The following ALB variants were observed in gnomAD, a reference collection of about 807,000 sequenced individuals.
The protein encoded by ALB is albumin.
ALB carries 37 observed loss-of-function variants against 74.5 expected under a neutral mutation model. The observed-to-expected ratio is 0.50, with a 90% CI of 0.38 to 0.65. The LOEUF is 0.65. ALB is among the 30% of genes least tolerant of loss of function. ALB has a pLI of 0.00. For missense variants in ALB, 685 were observed against 718.7 expected (o/e 0.95, Z 0.54); for synonymous variants, 249 against 251.6 (o/e 0.99, Z 0.10).
In ALB at chr4:73,421,247, A is replaced by G. The variant is rs1719134299; in HGVS notation, c.*179A>G. On this transcript the variant is annotated 3_prime_UTR_variant, in exon 15 of 15. Transcript: ENST00000295897. ...TGTGCTTCAATTAATAAAAAATGGAAAGAATCTAATAGAGTGGTACAGCAC... is the reference window on the plus strand; with the variant it reads ...TGTGCTTCAATTAATAAAAAATGGAGAGAATCTAATAGAGTGGTACAGCAC... The G allele has an allele frequency of 1.7e-6, 1 of 595,764 alleles. No individual in the cohort carries two copies. Among genetic ancestry groups the G allele is most frequent in the African/African-American group, 1.9e-5 (1 of 53,464 alleles). The allele number at this position is 595,764 out of a possible 1,614,324, so 36.9% of individuals were successfully genotyped here.
In ALB at chr4:73,421,218, T is replaced by C. The variant is rs1719132650; in HGVS notation, c.*150T>C. 4.8e-6 allele frequency: 3 copies of C among 624,728 alleles called. No homozygotes were observed. 38.7% of individuals were successfully genotyped at this position (624,728 alleles called of 1,614,324 possible). A position where few individuals can be genotyped will look rare whatever the true frequency, so the allele number is the denominator to read the frequency against. ...ATTTCTTTAATCATTTTGCCTCTTT[T>C]CTCTGTGCTTCAATTAATAAAAAAT... On this transcript the variant is annotated 3_prime_UTR_variant, in exon 15 of 15. Coordinates refer to ENST00000295897, the MANE Select transcript of ALB (RefSeq NM_000477.7).
chr4:73,419,943 T>G lies in ALB; in HGVS notation c.1785+304T>G, dbSNP rs562680489. Among the ~76,000 whole-genome samples the G allele has an allele frequency of 2.6e-5, 4 of 152,324 alleles. No individual in the cohort carries two copies. In the South Asian group the frequency reaches 8.3e-4, roughly 32 times the overall value. On this transcript the variant is annotated intron_variant, in intron 13 of 14. Transcript: ENST00000295897. ...TGATCATGAAATCAAAACATTAATT[T>G]ATTTAAACATTTACTTGAAATGTGG...
chr4:73,419,460 G>T (rs1416062355), intron 12 of ALB, 47 bp from the exon 13 acceptor site: 2 of 1,580,820 alleles, frequency 1.3e-6, no homozygotes, highest in East Asian at 4.5e-5. Flanking sequence ...CTATACGTGA[G>T]TAATGTTTTT....
rs769660057 is a variant in ALB at position 73,416,222 on chromosome 4, A to G, written c.1192-34A>G. The G allele has an allele frequency of 1.2e-5, 19 of 1,568,320 alleles. No individual in the cohort carries two copies. In the East Asian group the frequency reaches 4.3e-4, roughly 35 times the overall value. ...AACAACCTGCATCTGATCCTGAGGCATAATACTATTAACACAATTCTTTTA... is the reference window on the plus strand; with the variant it reads ...AACAACCTGCATCTGATCCTGAGGCGTAATACTATTAACACAATTCTTTTA... On this transcript the variant is annotated intron_variant, in intron 9 of 14. Transcript: ENST00000295897.
At chr4:73,414,010 C>A (rs1718948617) in intron 8 of ALB, among the ~76,000 whole-genome samples, 1 of 152,078 alleles carries the variant, frequency 6.6e-6, no homozygotes, top group African/African-American at 2.4e-5. Context: ...CTAATCTAAT[C>A]TAGTCTATCT....
At chr4:73,417,968 C>G (rs1361588622) in intron 11 of ALB, 120 bp from the exon 12 acceptor site, 2 of 955,422 alleles carry the variant, frequency 2.1e-6, no homozygotes, top group African/African-American at 1.6e-5. Context: ...CCTGCCTCAG[C>G]CTCCCAAGTA....
chr4:73,418,891 A>G (rs768935241), intron 12 of ALB, among the ~76,000 whole-genome samples: 8 of 152,150 alleles, frequency 5.3e-5, no homozygotes, highest in Non-Finnish European at 1.0e-4. Flanking sequence ...TAATATTGCA[A>G]AACCTGTCAT....
At position 73,416,322 on chromosome 4, in the gene ALB, G is replaced by T; in HGVS notation, c.1258G>T (p.Glu420Ter). The part of the protein sequence containing the change: ...NLIKQNCELF[E>*]QLGEYKFQNA... Reference sequence around the variant, plus strand: ...AATCAAACAAAATTGTGAGCTTTTTGAGCAGCTTGGAGAGTACAAATTCCA... The same window carrying T: ...AATCAAACAAAATTGTGAGCTTTTTTAGCAGCTTGGAGAGTACAAATTCCA... Residue 420 changes from glutamate to a stop codon, truncating the protein, a stop_gained, in exon 10 of 15, where the codon GAG (glutamate) becomes TAG (stop). Coordinates refer to ENST00000295897, the MANE Select transcript of ALB (RefSeq NM_000477.7). LOFTEE classifies it high-confidence loss of function. 6.2e-7 allele frequency: 1 copy of T among 1,613,586 alleles called. No individual in the cohort carries two copies. The highest frequency in any genetic ancestry group is 1.1e-5 in the South Asian group (1 of 91,052).
Position 73,413,695 on chromosome 4 carries a change from A to T in ALB, c.1058+61A>T. 3 of 1,517,462 alleles carry T rather than the reference A, an allele frequency of 2.0e-6. No homozygotes were observed. In the Admixed American group the frequency reaches 5.0e-5, roughly 25 times the overall value. 94.0% of individuals were successfully genotyped at this position (1,517,462 alleles called of 1,614,324 possible). ...GCATGACCTCACAACTTAGGAGGATAGCCTAGGCTTTTCTGTGGAGTTGCT... is the reference window on the plus strand; with the variant it reads ...GCATGACCTCACAACTTAGGAGGATTGCCTAGGCTTTTCTGTGGAGTTGCT... On this transcript the variant is annotated intron_variant, in intron 8 of 14. Coordinates refer to ENST00000295897, the MANE Select transcript of ALB (RefSeq NM_000477.7).
At position 73,417,570 on chromosome 4, in the gene ALB, A is replaced by C; in HGVS notation, c.1329A>C (p.Ser443=). 6.2e-7 allele frequency: 1 copy of C among 1,614,032 alleles called. No homozygotes were observed. ...VRYTKKVPQV[S]TPTLVEVSRN... ...ACACCAAGAAAGTACCCCAAGTGTC[A>C]ACTCCAACTCTTGTAGAGGTCTCAA... is the stretch of plus-strand genomic sequence containing the variant. Residue 443 remains serine, a synonymous_variant, in exon 11 of 15, where the codon TCA becomes TCC. Coordinates refer to ENST00000295897, the MANE Select transcript of ALB (RefSeq NM_000477.7).
At chr4:73,419,938 T>G (rs1719104624) in intron 13 of ALB, among the ~76,000 whole-genome samples, 1 of 152,212 alleles carries the variant, frequency 6.6e-6, no homozygotes, top group Non-Finnish European at 1.5e-5. Context: ...ATCAAAACAT[T>G]AATTTATTTA....
chr4:73,416,103 G>A (rs1377800591), intron 9 of ALB, among the ~76,000 whole-genome samples, 153 bp from the exon 10 acceptor site: 2 of 152,124 alleles, frequency 1.3e-5, no homozygotes, highest in Non-Finnish European at 2.9e-5. Context: ...TAAATAGTTC[G>A]AATGTATTGT....
rs2149329618 is a variant in ALB at position 73,418,240 on chromosome 4, T to A, written c.1581T>A (p.Asn527Lys). The change falls in exon 12 of 15, where the codon AAT (asparagine) becomes AAA (lysine). Residue 527 changes from asparagine (N) to lysine (K), a missense_variant. Transcript: ENST00000295897. The part of the protein sequence containing the change: ...VDETYVPKEF[N>K]AETFTFHADI... ...AAACATACGTTCCCAAAGAGTTTAA[T>A]GCTGAAACATTCACCTTCCATGCAG... 1 of 1,614,136 alleles carries A rather than the reference T, an allele frequency of 6.2e-7. No homozygotes were observed. Among genetic ancestry groups the A allele is most frequent in the Non-Finnish European group, 8.5e-7 (1 of 1,180,008 alleles).
intron 4 of ALB, 171 bp from the exon 5 acceptor site, chr4:73,409,184 T>C (rs1474976082): frequency 1.6e-5 from 12 of 734,546 alleles, no homozygotes; most frequent in Non-Finnish European, 2.4e-5. Context: ...TAACCCTTTT[T>C]TCCACATACT....
chr4:73,417,850 A>G (rs1282974488), intron 11 of ALB, among the ~76,000 whole-genome samples, 181 bp downstream of exon 11: 2 of 140,220 alleles, frequency 1.4e-5, no homozygotes, highest in Non-Finnish European at 3.1e-5. Flanking sequence ...GAGGATGATA[A>G]TTTTTTTTTT....
chr4:73,411,906 G>A lies in ALB; in HGVS notation c.714-90G>A, dbSNP rs1718886382. On this transcript the variant is annotated intron_variant, in intron 6 of 14. Transcript: ENST00000295897. Reference sequence around the variant, plus strand: ...AAAATTATTTCTGTATGTCCATTTTGAATTTTCTTATGAGAAATAGTATTT... The same window carrying A: ...AAAATTATTTCTGTATGTCCATTTTAAATTTTCTTATGAGAAATAGTATTT... 3.3e-6 allele frequency: 5 copies of A among 1,532,442 alleles called. No homozygotes were observed. In the South Asian group the frequency reaches 5.6e-5, roughly 17 times the overall value. The allele number at this position is 1,532,442 out of a possible 1,614,324, so 94.9% of individuals were successfully genotyped here. A position where few individuals can be genotyped will look rare whatever the true frequency, so the allele number is the denominator to read the frequency against.
chr4:73,417,653 C>T lies in ALB; in HGVS notation c.1412C>T (p.Pro471Leu). The change falls in exon 11 of 15, where the codon CCC becomes CTC. Residue 471 changes from proline to leucine, a missense_variant. Coordinates refer to ENST00000295897, the MANE Select transcript of ALB (RefSeq NM_000477.7). ...CCKHPEAKRM[P>L]CAEDYLSVVL... The stretch of plus-strand genomic sequence containing the variant: ...AAACATCCTGAAGCAAAAAGAATGC[C>T]CTGTGCAGAAGACTATGTGAGTCTT... The T allele has an allele frequency of 6.2e-7, 1 of 1,613,274 alleles. No homozygotes were observed.
intron 10 of ALB, among the ~76,000 whole-genome samples, chr4:73,416,909 T>C (rs1719027376): frequency 6.6e-6 from 1 of 152,110 alleles, no homozygotes; most frequent in Admixed American, 6.6e-5. Context: ...TCTATGAAGG[T>C]TAAAAACAAG....
rs369763404 is a variant in ALB at position 73,404,315 on chromosome 4, C to G, written c.-13C>G. Reference sequence around the variant, plus strand: ...GCTTTTCTCTTCTGTCAACCCCACACGCCTTTGGCACAATGAAGTGGGTAA... The same window carrying G: ...GCTTTTCTCTTCTGTCAACCCCACAGGCCTTTGGCACAATGAAGTGGGTAA... On this transcript the variant is annotated 5_prime_UTR_variant, in exon 1 of 15. Transcript: ENST00000295897. 1 of 1,608,742 alleles carries G rather than the reference C, an allele frequency of 6.2e-7. No individual in the cohort carries two copies. Among genetic ancestry groups the G allele is most frequent in the East Asian group, 2.2e-5 (1 of 44,788 alleles).
Sources: allele counts gnomAD v4.1 joint callset (sites outside exome capture counted in the v4.1 genomes callset), GRCh38; gene constraint gnomAD v4.1.1; transcripts MANE v1.5; gene names NCBI Gene and HGNC (gene_info 2026-07-23, HGNC 2026-07-21).